The following STK32B variants were observed in gnomAD, a reference collection of about 807,000 sequenced individuals.
STK32B encodes serine/threonine-protein kinase 32B.
In STK32B, 43 loss-of-function variants were observed where a neutral mutation model predicts 52.6. That is an observed-to-expected ratio of 0.82 (90% CI 0.64 to 1.05). The LOEUF is 1.05. Among genes scored for constraint, STK32B ranks in the 50% least tolerant of loss-of-function variants. STK32B has a pLI of 0.00. For missense variants in STK32B, 621 were observed against 534.6 expected, an observed-to-expected ratio of 1.16 and a Z score of -1.59; for synonymous variants, 238 against 204.3, an observed-to-expected ratio of 1.17 and a Z score of -1.41.
intron 4 of STK32B, among the ~76,000 whole-genome samples, chr4:5,334,083 A>T (rs531496944): frequency 6.6e-6 from 1 of 152,000 alleles, no homozygotes; most frequent in South Asian, 2.1e-4. Flanking sequence ...GGCCATTTTC[A>T]CGATATTGAT....
At chr4:5,033,799 C>T in the STK32B span, among the ~76,000 whole-genome samples, 1 of 152,172 alleles carries the variant, frequency 6.6e-6, no homozygotes, top group Non-Finnish European at 1.5e-5. Flanking sequence ...CAAGATGTGG[C>T]GAAGTCACAC....
chr4:5,125,618 C>T (rs1280532554), intron 1 of STK32B, among the ~76,000 whole-genome samples: 1 of 152,198 alleles, frequency 6.6e-6, no homozygotes, highest in Non-Finnish European at 1.5e-5. Context: ...CTTTTGGAAG[C>T]TACTGGGCCA....
Position 5,182,113 on chromosome 4 carries a change from C to G in STK32B, c.260+13663C>G, listed in dbSNP as rs117171551. Among the ~76,000 whole-genome samples, 5 of 152,320 alleles carry G rather than the reference C, an allele frequency of 3.3e-5. No homozygotes were observed. In the East Asian group the frequency reaches 9.6e-4, roughly 29 times the overall value. On this transcript the variant is annotated intron_variant, in intron 3 of 11. Transcript: ENST00000282908. ...TCAGAAACTACTTTCTTTGTTCATTCATAAGAATCAACTCCTCACCTGTTC... is the reference window on the plus strand; with the variant it reads ...TCAGAAACTACTTTCTTTGTTCATTGATAAGAATCAACTCCTCACCTGTTC...
intron 3 of STK32B, among the ~76,000 whole-genome samples, chr4:5,213,057 T>C (rs956091728): frequency 6.6e-5 from 10 of 152,200 alleles, no homozygotes; most frequent in South Asian, 2.1e-4. Context: ...TACGTACATA[T>C]AGATAATCTC....
In STK32B at chr4:5,078,844, C is replaced by T. The variant is rs563871892; in HGVS notation, c.52+26929C>T. The stretch of plus-strand genomic sequence containing the variant: ...AAACTCTGCCTTTGAGAAGGGGGGG[C>T]CAGCACAGGGAAGTGGAGTTATAGT... On this transcript the variant is annotated intron_variant, in intron 1 of 11. Transcript: ENST00000282908. 8.5e-5 allele frequency among the ~76,000 whole-genome samples: 13 copies of T among 152,208 alleles called. No homozygotes were observed. The South Asian group carries it at 2.5e-3, about 29-fold the overall frequency.
chr4:5,234,021 G>A (rs1251720752), intron 3 of STK32B, among the ~76,000 whole-genome samples: 1 of 152,014 alleles, frequency 6.6e-6, no homozygotes, highest in South Asian at 2.1e-4. Context: ...ACCTGGATCT[G>A]CCCTGACTCC....
At chr4:5,028,306 C>T in the STK32B span, among the ~76,000 whole-genome samples, 1 of 152,162 alleles carries the variant, frequency 6.6e-6, no homozygotes, top group Admixed American at 6.5e-5. Flanking sequence ...CCACCACACC[C>T]AGCTAACTTA....
chr4:5,083,205 A>G (rs771669346), intron 1 of STK32B, among the ~76,000 whole-genome samples: 4 of 152,124 alleles, frequency 2.6e-5, no homozygotes, highest in African/African-American at 4.8e-5. Context: ...CTTTGTTTGG[A>G]TAGACCTTGG....
rs1469255201 is a variant in STK32B, at chr4:5,058,708, C to T, written c.52+6793C>T. On this transcript the variant is annotated intron_variant, in intron 1 of 11. Transcript: ENST00000282908. The surrounding 1 kb of genome is among the most constrained non-coding windows in gnomAD (Gnocchi z 4.8). The stretch of plus-strand genomic sequence containing the variant: ...CTACAAAGTAGACCATAGGAACACA[C>T]CACCATGCCCTGCTAGTTTATTTAT... 6.6e-6 allele frequency among the ~76,000 whole-genome samples: 1 copy of T among 152,108 alleles called. No individual in the cohort carries two copies. Among genetic ancestry groups the T allele is most frequent in the African/African-American group, 2.4e-5 (1 of 41,426 alleles).
intron 1 of STK32B, among the ~76,000 whole-genome samples, chr4:5,139,267 T>C (rs1161996671): frequency 5.9e-5 from 9 of 152,194 alleles, no homozygotes; most frequent in Non-Finnish European, 1.2e-4. Context: ...CCACTCATCC[T>C]GCATTCTGCT....
chr4:5,105,777 A>G (rs1385142166), intron 1 of STK32B, among the ~76,000 whole-genome samples: 1 of 151,682 alleles, frequency 6.6e-6, no homozygotes, highest in Non-Finnish European at 1.5e-5. Context: ...GTTAGCCAGG[A>G]TGGTCTCGAT....
intron 3 of STK32B, among the ~76,000 whole-genome samples, chr4:5,209,444 A>T (rs1467875160): frequency 1.3e-5 from 2 of 152,130 alleles, no homozygotes; most frequent in African/African-American, 4.8e-5. Context: ...AGCTGTTCTC[A>T]AATACTTAGG....
At chr4:5,244,940 C>A (rs1201071686) in intron 3 of STK32B, among the ~76,000 whole-genome samples, 1 of 152,124 alleles carries the variant, frequency 6.6e-6, no homozygotes, top group East Asian at 1.9e-4. Flanking sequence ...TGGTCTGAGA[C>A]ACAGTTTGTT....
intron 11 of STK32B, among the ~76,000 whole-genome samples, chr4:5,496,320 T>A (rs781659136): frequency 7.2e-5 from 11 of 152,184 alleles, no homozygotes; most frequent in Non-Finnish European, 1.0e-4. Flanking sequence ...CGCCTTGCAG[T>A]TTGATCTCAG....
chr4:5,117,107 T>G (rs1714772723), intron 1 of STK32B, among the ~76,000 whole-genome samples: 2 of 152,210 alleles, frequency 1.3e-5, no homozygotes. Flanking sequence ...GTTTCATAAC[T>G]TCCTTTCCAA....
At chr4:5,073,098 A>G (rs911571366) in intron 1 of STK32B, among the ~76,000 whole-genome samples, 52 of 152,038 alleles carry the variant, frequency 3.4e-4, no homozygotes, top group African/African-American at 1.2e-3. Context: ...TGCCTTTTGT[A>G]TTTTGCCTGG....
At chr4:5,466,075 G>A (rs1441763731) in intron 9 of STK32B, among the ~76,000 whole-genome samples, 1 of 152,162 alleles carries the variant, frequency 6.6e-6, no homozygotes, top group Non-Finnish European at 1.5e-5. Context: ...TTTGGGGACC[G>A]GCACCTGGGG....
rs554662392 is a variant in STK32B at position 5,371,291 on chromosome 4, A to G, written c.435-26916A>G. 1.6e-4 allele frequency among the ~76,000 whole-genome samples: 24 copies of G among 152,242 alleles called. No homozygotes were observed. The South Asian group carries it at 3.1e-3, about 20-fold the overall frequency. On this transcript the variant is annotated intron_variant, in intron 4 of 11. Transcript: ENST00000282908. ...AACTGACTTAACAGGATTCCTGCTAAAGACAGGCCAAGGGCTTATACATCA... is the reference window on the plus strand; with the variant it reads ...AACTGACTTAACAGGATTCCTGCTAGAGACAGGCCAAGGGCTTATACATCA...
rs529491132 is a variant in STK32B at position 5,140,222 on chromosome 4, A to C, written c.108+262A>C. On this transcript the variant is annotated intron_variant, in intron 2 of 11. Coordinates refer to ENST00000282908, the MANE Select transcript of STK32B (RefSeq NM_018401.3). ...GATTGCCAATGCCGTTTGTTCCTTGAGAATCTAAGTGAGGAAAGTTGAAAA... is the reference window on the plus strand; with the variant it reads ...GATTGCCAATGCCGTTTGTTCCTTGCGAATCTAAGTGAGGAAAGTTGAAAA... 36 of 1,478,336 alleles carry C rather than the reference A, an allele frequency of 2.4e-5. No individual in the cohort carries two copies. In the Admixed American group the frequency reaches 3.0e-4, roughly 13 times the overall value. The allele number at this position is 1,478,336 out of a possible 1,614,324, so 91.6% of individuals were successfully genotyped here. A position where few individuals can be genotyped will look rare whatever the true frequency, so the allele number is the denominator to read the frequency against.
Sources: gnomAD v4.1 joint callset for allele counts (sites outside exome capture counted in the v4.1 genomes callset) on GRCh38, gnomAD v4.1.1 for gene constraint, Gnocchi (gnomAD v3.1) non-coding constraint, MANE v1.5 for transcripts, NCBI Gene and HGNC (gene_info 2026-07-23, HGNC 2026-07-21) for gene names.